Variants in MYO16 observed in about 807,000 individuals in gnomAD.
MYO16 encodes the protein myosin XVI.
A neutral mutation model predicts 205.3 loss-of-function variants in MYO16; 94 were observed. That is an observed-to-expected ratio of 0.46 (90% CI 0.39 to 0.54). MYO16 has a LOEUF of 0.54. Among genes scored for constraint, MYO16 ranks in the 20% least tolerant of loss-of-function variants. The pLI, the probability that MYO16 is intolerant of heterozygous loss-of-function variation, is 0.00. For synonymous variants in MYO16, 988 were observed against 954.0 expected, an observed-to-expected ratio of 1.04 and a Z score of -0.66; for missense variants, 2,315 against 2,387.5, an observed-to-expected ratio of 0.97 and a Z score of 0.63.
At chr13:108,924,956 C>A (rs1320325650) in intron 16 of MYO16, among the ~76,000 whole-genome samples, 1 of 152,120 alleles carries the variant, frequency 6.6e-6, no homozygotes, top group African/African-American at 2.4e-5. Flanking sequence ...TAAAACAAAC[C>A]CGTTTTCAAC....
At chr13:108,732,381 G>T (rs1298170131) in intron 4 of MYO16, among the ~76,000 whole-genome samples, 1 of 152,184 alleles carries the variant, frequency 6.6e-6, no homozygotes, top group Non-Finnish European at 1.5e-5. Context: ...ACTAGTAAGA[G>T]GTTTTGGAAA....
the MYO16 span, among the ~76,000 whole-genome samples, chr13:108,508,001 C>T: frequency 6.6e-6 from 1 of 150,690 alleles, no homozygotes; most frequent in Non-Finnish European, 1.5e-5. Context: ...ATGTGTAATT[C>T]CTATCTCTTT....
chr13:108,668,877 C>T (rs544154363), intron 2 of MYO16, among the ~76,000 whole-genome samples: 1 of 152,108 alleles, frequency 6.6e-6, no homozygotes, highest in South Asian at 2.1e-4. Context: ...GAAATCGGGA[C>T]AGCCAAAATG....
At chr13:109,047,351 A>G (rs1887080768) in intron 24 of MYO16, among the ~76,000 whole-genome samples, 1 of 152,144 alleles carries the variant, frequency 6.6e-6, no homozygotes, top group Admixed American at 6.5e-5. Context: ...ATTACTTAAG[A>G]TGACTCTGGA....
chr13:108,864,251 C>T (rs886820342), intron 11 of MYO16, among the ~76,000 whole-genome samples: 1 of 151,810 alleles, frequency 6.6e-6, no homozygotes, highest in African/African-American at 2.4e-5. Flanking sequence ...ATTATCACTC[C>T]TTTTTTCCTT....
intron 3 of MYO16, among the ~76,000 whole-genome samples, chr13:108,720,026 T>C (rs1884099686): frequency 6.6e-6 from 1 of 152,130 alleles, no homozygotes; most frequent in South Asian, 2.1e-4. Flanking sequence ...GTGTTTAGAG[T>C]CTGGTTCAAT....
At chr13:109,047,515 C>T (rs1447684984) in intron 24 of MYO16, among the ~76,000 whole-genome samples, 1 of 152,044 alleles carries the variant, frequency 6.6e-6, no homozygotes, top group Non-Finnish European at 1.5e-5. Flanking sequence ...AGCATTAATA[C>T]TTTATATGCA....
chr13:109,002,288 G>A (rs1045266097), intron 21 of MYO16, among the ~76,000 whole-genome samples: 3 of 152,182 alleles, frequency 2.0e-5, no homozygotes, highest in Non-Finnish European at 1.5e-5. Flanking sequence ...TGTATGCCAT[G>A]CTCTATTATA....
At position 109,075,058 on chromosome 13, in the gene MYO16, TG is replaced by T. The variant is rs553571340; in HGVS notation, c.3335+19464del. 1.8e-3 allele frequency among the ~76,000 whole-genome samples: 274 copies of T among 152,354 alleles called. 4 individuals carry two copies. The highest frequency in any genetic ancestry group is 0.015 in the Admixed American group (237 of 15,300). On this transcript the variant is annotated intron_variant, in intron 27 of 34. Coordinates refer to ENST00000457511, the MANE Select transcript of MYO16 (RefSeq NM_001198950.3). ...GTTATAGTCCGTTCTTTTTTATTGC[TG>T]AGTTGTCTTAATTTTGTATATTTAC... is the stretch of plus-strand genomic sequence containing the variant.
chr13:108,618,824 C>T (rs971937481), intron 1 of MYO16, among the ~76,000 whole-genome samples: 1 of 152,154 alleles, frequency 6.6e-6, no homozygotes, highest in Non-Finnish European at 1.5e-5. Context: ...ATTTACAACA[C>T]TTAAACAATA....
At chr13:108,686,914 G>A (rs1372879245) in intron 2 of MYO16, among the ~76,000 whole-genome samples, 1 of 152,168 alleles carries the variant, frequency 6.6e-6, no homozygotes, top group South Asian at 2.1e-4. Context: ...GTCATGGGTG[G>A]TACAGCCAAC....
At chr13:109,049,577 T>C (rs1455013974) in intron 24 of MYO16, among the ~76,000 whole-genome samples, 2 of 122,124 alleles carry the variant, frequency 1.6e-5, no homozygotes, top group African/African-American at 2.9e-5. Context: ...TTTATTTTTC[T>C]TTTTAAATTT....
chr13:109,036,184 T>C (rs948186446), intron 23 of MYO16, among the ~76,000 whole-genome samples: 2 of 152,206 alleles, frequency 1.3e-5, no homozygotes, highest in Non-Finnish European at 2.9e-5. Context: ...CAATTGCTCT[T>C]GCTTTCAGTT....
the MYO16 span, among the ~76,000 whole-genome samples, chr13:108,555,287 A>AT: frequency 3.3e-5 from 5 of 152,194 alleles, no homozygotes; most frequent in African/African-American, 1.2e-4. Flanking sequence ...TGGCTTTCCG[A>AT]TTTTTAAAAC....
At chr13:108,681,859 G>C (rs1036744406) in intron 2 of MYO16, among the ~76,000 whole-genome samples, 2 of 152,106 alleles carry the variant, frequency 1.3e-5, no homozygotes, top group South Asian at 4.1e-4. Flanking sequence ...GCTATTCATG[G>C]TCCTCCACAA....
At chr13:108,990,046 A>T (rs140490671) in intron 20 of MYO16, among the ~76,000 whole-genome samples, 2 of 151,956 alleles carry the variant, frequency 1.3e-5, no homozygotes, top group African/African-American at 4.8e-5. Flanking sequence ...AACCAACCCA[A>T]AAGTATTTAA....
chr13:109,133,337 A>G (rs777620685), intron 31 of MYO16, among the ~76,000 whole-genome samples: 6 of 152,210 alleles, frequency 3.9e-5, no homozygotes, highest in Non-Finnish European at 8.8e-5. Flanking sequence ...ACACGCAGAC[A>G]CTGTTTATTT....
chr13:108,760,736 G>C (rs112676752), intron 4 of MYO16, among the ~76,000 whole-genome samples: 6,094 of 152,228 alleles, frequency 0.04, 127 homozygotes, highest in Non-Finnish European at 0.057. Flanking sequence ...GTTCACAGAG[G>C]CTGGGAAGGG....
intron 32 of MYO16, among the ~76,000 whole-genome samples, chr13:109,143,297 A>G (rs1373504142): frequency 2.0e-5 from 3 of 152,170 alleles, no homozygotes; most frequent in Non-Finnish European, 4.4e-5. Flanking sequence ...AACTTTAAAA[A>G]TGAATGAATA....
Sources: allele counts gnomAD v4.1 joint callset (sites outside exome capture counted in the v4.1 genomes callset), GRCh38; gene constraint gnomAD v4.1.1; transcripts MANE v1.5; gene names NCBI Gene and HGNC (gene_info 2026-07-23, HGNC 2026-07-21).